BBOX1: variants seen among roughly 807,000 people sequenced by gnomAD.
BBOX1 encodes gamma-butyrobetaine hydroxylase 1.
BBOX1 carries 35 observed loss-of-function variants against 41.6 expected under a neutral mutation model. The observed-to-expected ratio is 0.84, with a 90% CI of 0.64 to 1.11. The LOEUF (loss-of-function observed/expected upper bound fraction) is 1.11. Ranked by LOEUF, BBOX1 falls within the 50% of genes most tolerant of loss-of-function variation. BBOX1 has a pLI of 0.00. For synonymous variants in BBOX1, 163 were observed against 154.7 expected (o/e 1.05, Z -0.40); for missense variants, 458 against 460.6 (o/e 0.99, Z 0.05).
intron 2 of BBOX1, among the ~76,000 whole-genome samples, chr11:27,045,811 C>A (rs570317906): frequency 7.2e-5 from 11 of 152,264 alleles, no homozygotes; most frequent in Non-Finnish European, 1.5e-4. Flanking sequence ...GTAGATAAAT[C>A]AGCCTTCTCA....
Position 27,041,481 on chromosome 11 carries a change from A to G in BBOX1, c.-39+3A>G, listed in dbSNP as rs1851346556. The G allele has an allele frequency of 1.3e-5, 2 of 152,110 alleles. No individual in the cohort carries two copies. Among genetic ancestry groups the G allele is most frequent in the Admixed American group, 1.3e-4 (2 of 15,270 alleles). The allele number at this position is 152,110 out of a possible 1,614,324, so 9.4% of individuals were successfully genotyped here. On this transcript the variant is annotated splice_donor_region_variant and intron_variant, in intron 2 of 8. Transcript: ENST00000263182. Reference sequence around the variant, plus strand: ...AAAGCTGACAGTTTCTTTACTTGGTAAGTTTTGGGTGGTTTGCTGTGTAAA... The same window carrying G: ...AAAGCTGACAGTTTCTTTACTTGGTGAGTTTTGGGTGGTTTGCTGTGTAAA...
intron 7 of BBOX1, 77 bp downstream of exon 7, chr11:27,119,922 GC>G: frequency 1.1e-6 from 1 of 900,694 alleles, no homozygotes; most frequent in Non-Finnish European, 1.5e-6. Context: ...AGTTTAAACA[GC>G]ACAAAACTTC....
chr11:27,112,987 G>C (rs1409252986), intron 5 of BBOX1, among the ~76,000 whole-genome samples: 1 of 151,880 alleles, frequency 6.6e-6, no homozygotes, highest in African/African-American at 2.4e-5. Flanking sequence ...TAATAAGTGG[G>C]CAAAAAACAT....
chr11:27,058,713 T>C (rs1036557891), intron 4 of BBOX1, among the ~76,000 whole-genome samples: 4 of 152,178 alleles, frequency 2.6e-5, no homozygotes, highest in African/African-American at 9.6e-5. Flanking sequence ...TGTGGAAGTT[T>C]GAAATTGAGA....
chr11:27,121,144 T>A (rs1459462410), intron 7 of BBOX1, among the ~76,000 whole-genome samples: 1 of 152,020 alleles, frequency 6.6e-6, no homozygotes. Flanking sequence ...AAACGAGTGA[T>A]GGAGTTTTCA....
At chr11:27,097,079 A>C (rs1858464898) in intron 5 of BBOX1, among the ~76,000 whole-genome samples, 1 of 152,052 alleles carries the variant, frequency 6.6e-6, no homozygotes, top group African/African-American at 2.4e-5. Context: ...TAGGTAAAGA[A>C]ATTCTCATTG....
chr11:27,075,850 G>C (rs1389494936), intron 4 of BBOX1, among the ~76,000 whole-genome samples: 1 of 152,176 alleles, frequency 6.6e-6, no homozygotes, highest in African/African-American at 2.4e-5. Flanking sequence ...CCCTAGCTGT[G>C]TCTGCAGTGA....
intron 5 of BBOX1, among the ~76,000 whole-genome samples, chr11:27,098,313 C>G (rs138187362): frequency 6.6e-6 from 1 of 152,016 alleles, no homozygotes; most frequent in Admixed American, 6.6e-5. Flanking sequence ...ACTACCAGTA[C>G]CTCATCCCCA....
intron 5 of BBOX1, among the ~76,000 whole-genome samples, chr11:27,098,364 T>G (rs1590210483): frequency 6.6e-6 from 1 of 152,044 alleles, no homozygotes; most frequent in East Asian, 1.9e-4. Flanking sequence ...TATATGCTCC[T>G]CACTCAAATG....
intron 5 of BBOX1, among the ~76,000 whole-genome samples, chr11:27,113,711 A>G (rs1010997579): frequency 1.3e-5 from 2 of 151,598 alleles, no homozygotes; most frequent in Non-Finnish European, 2.9e-5. Context: ...GCTACTATAT[A>G]TATTACCTGA....
intron 3 of BBOX1, 134 bp from the exon 4 acceptor site, chr11:27,057,067 A>AAAAAAAAAAAAAAAAAAC (rs1857006537): frequency 3.8e-6 from 1 of 262,280 alleles, no homozygotes; most frequent in Non-Finnish European, 6.7e-6. Flanking sequence ...TCCGACTTAA[A>AAAAAAAAAAAAAAAAAAC]AAAAAAAAAA....
At chr11:27,125,426 G>A (rs1433120350) in intron 7 of BBOX1, among the ~76,000 whole-genome samples, 1 of 151,852 alleles carries the variant, frequency 6.6e-6, no homozygotes, top group East Asian at 1.9e-4. Flanking sequence ...TTTAATTTAA[G>A]TTGAGTTCTC....
intron 8 of BBOX1, among the ~76,000 whole-genome samples, chr11:27,126,952 G>A (rs1386387368): frequency 6.6e-6 from 1 of 152,162 alleles, no homozygotes; most frequent in Admixed American, 6.5e-5. Flanking sequence ...GGGATTACAG[G>A]CGTGAGCCAC....
chr11:27,069,999 TC>T (rs1475074129), intron 4 of BBOX1, among the ~76,000 whole-genome samples: 2 of 152,200 alleles, frequency 1.3e-5, no homozygotes, highest in Non-Finnish European at 2.9e-5. Context: ...TTTTTAAATT[TC>T]CATCTTGATT....
chr11:27,063,560 A>T, intron 4 of BBOX1, among the ~76,000 whole-genome samples: 1 of 151,964 alleles, frequency 6.6e-6, no homozygotes, highest in Non-Finnish European at 1.5e-5. Context: ...GAATATTGAG[A>T]TTTAAAAAGC....
chr11:27,126,448 A>G (rs2095120065), intron 8 of BBOX1, among the ~76,000 whole-genome samples: 1 of 152,180 alleles, frequency 6.6e-6, no homozygotes, highest in Admixed American at 6.5e-5. Context: ...TTAGAATCCA[A>G]GCTTCGACTA....
intron 4 of BBOX1, among the ~76,000 whole-genome samples, chr11:27,075,249 A>T (rs527831474): frequency 9.9e-5 from 15 of 152,184 alleles, no homozygotes; most frequent in Admixed American, 9.2e-4. Flanking sequence ...TTCTCATTAT[A>T]GTCTTTGTAT....
chr11:27,079,056 G>GAA (rs1857739171), intron 4 of BBOX1, among the ~76,000 whole-genome samples: 1 of 152,018 alleles, frequency 6.6e-6, no homozygotes, highest in Non-Finnish European at 1.5e-5. Flanking sequence ...GAACATTTGC[G>GAA]AAAAAGACAG....
chr11:27,090,356 C>A (rs1467546038), intron 4 of BBOX1, among the ~76,000 whole-genome samples: 1 of 151,856 alleles, frequency 6.6e-6, no homozygotes, highest in African/African-American at 2.4e-5. Flanking sequence ...ATGATGCCAG[C>A]CTGAGTCTCA....
Sources: gnomAD v4.1 joint callset for allele counts (sites outside exome capture counted in the v4.1 genomes callset) on GRCh38, gnomAD v4.1.1 for gene constraint, MANE v1.5 for transcripts, NCBI Gene and HGNC (gene_info 2026-07-23, HGNC 2026-07-21) for gene names.